Variants in NDUFS2 observed in about 807,000 individuals in gnomAD.
NDUFS2 encodes the protein NADH dehydrogenase [ubiquinone] iron-sulfur protein 2, mitochondrial.
Under a neutral mutation model 69.6 loss-of-function variants are expected in NDUFS2, and 38 were observed. The ratio of observed to expected loss-of-function variants is 0.55; its 90% CI spans 0.42 to 0.72. The LOEUF is 0.72. NDUFS2 is among the 30% of genes least tolerant of loss of function. The pLI is 0.00. For missense variants in NDUFS2, 468 were observed against 595.0 expected (o/e 0.79, Z 2.22); for synonymous variants, 194 against 211.2 (o/e 0.92, Z 0.70).
At chr1:161,198,845 C>G (rs1242515647), upstream of NDUFS2, 3 of 486,516 alleles carry the variant, frequency 6.2e-6, no homozygotes, top group Non-Finnish European at 1.1e-5. The surrounding 1 kb of genome is among the most constrained non-coding windows in gnomAD (Gnocchi z 4.7). Flanking sequence ...TCTCCAAACT[C>G]TCCTCCTGAG....
chr1:161,197,955 C>A (rs777293949), upstream of NDUFS2: 22 of 1,522,886 alleles, frequency 1.4e-5, no homozygotes, highest in Non-Finnish European at 1.8e-5. Flanking sequence ...ACAGACATGG[C>A]GGGAGGACAC....
intron 9 of NDUFS2, among the ~76,000 whole-genome samples, chr1:161,211,061 G>C (rs1369224787): frequency 6.6e-6 from 1 of 152,108 alleles, no homozygotes; most frequent in Non-Finnish European, 1.5e-5. Context: ...TTTTAGTAGA[G>C]ACGGGATTTC....
upstream of NDUFS2, among the ~76,000 whole-genome samples, chr1:161,200,743 G>A (rs2102024377): frequency 6.6e-6 from 1 of 152,248 alleles, no homozygotes; most frequent in Non-Finnish European, 1.5e-5. Flanking sequence ...GAAGGGGCAG[G>A]GGCAAGAGGA....
chr1:161,203,420 T>C lies in NDUFS2; in HGVS notation c.96-17T>C. Reference sequence around the variant, plus strand: ...CTGTTCAGGCCCTTTGTCTAGGATCTGTCTTTGACTCCCCAGAGGTGTTCG... The same window carrying C: ...CTGTTCAGGCCCTTTGTCTAGGATCCGTCTTTGACTCCCCAGAGGTGTTCG... On this transcript the variant is annotated splice_polypyrimidine_tract_variant and intron_variant, in intron 1 of 13. Transcript: ENST00000676972. The C allele has an allele frequency of 6.2e-7, 1 of 1,609,732 alleles. No homozygotes were observed. Among genetic ancestry groups the C allele is most frequent in the Non-Finnish European group, 8.5e-7 (1 of 1,175,992 alleles).
upstream of NDUFS2, chr1:161,198,711 G>T: frequency 7.7e-7 from 1 of 1,300,598 alleles, no homozygotes; most frequent in Non-Finnish European, 1.0e-6. The surrounding 1 kb of genome is among the most constrained non-coding windows in gnomAD (Gnocchi z 4.7). Flanking sequence ...GCTCCTCTCT[G>T]TAGCCTGGGG....
Position 161,202,384 on chromosome 1 carries a change from AG to A in NDUFS2, c.-1del. ...CTTCCCGCAGTCTGCAGCCGGAGTA[AG>A]ATGGCGGCGCTGAGGGCTTTGTGCG... On this transcript the variant is annotated 5_prime_UTR_variant, in exon 1 of 14. Coordinates refer to ENST00000676972, the MANE Select transcript of NDUFS2 (RefSeq NM_001377299.1). 6.2e-7 allele frequency: 1 copy of A among 1,611,036 alleles called. No individual in the cohort carries two copies. The highest frequency in any genetic ancestry group is 8.5e-7 in the Non-Finnish European group (1 of 1,179,006).
chr1:161,206,821 G>T (rs912144209), intron 3 of NDUFS2, among the ~76,000 whole-genome samples: 2 of 152,206 alleles, frequency 1.3e-5, no homozygotes, highest in Non-Finnish European at 2.9e-5. Flanking sequence ...GCTATACTCA[G>T]CTTTTCTCTG....
chr1:161,212,664 ATTC>A (rs1665836613), intron 10 of NDUFS2, 184 bp downstream of exon 10: 1 of 641,432 alleles, frequency 1.6e-6, no homozygotes, highest in Non-Finnish European at 2.5e-6. Flanking sequence ...GGTTCAAGCA[ATTC>A]TTCTGCCTCA....
upstream of NDUFS2, chr1:161,198,214 C>T (rs33941127): frequency 0.24 from 388,269 of 1,613,846 alleles, 50,600 homozygotes; most frequent in East Asian, 0.49. The surrounding 1 kb of genome is among the most constrained non-coding windows in gnomAD (Gnocchi z 4.7). Context: ...GAGATGCCAC[C>T]GACTCCGGAT....
At chr1:161,213,983 G>A (rs1397779392) in intron 13 of NDUFS2, 62 bp downstream of exon 13, 13 of 1,613,914 alleles carry the variant, frequency 8.1e-6, no homozygotes, top group Admixed American at 3.3e-5. Flanking sequence ...GCCCACTGGG[G>A]ACAGAAGGAG....
intron 5 of NDUFS2, 104 bp downstream of exon 5, chr1:161,209,699 A>G: frequency 8.1e-7 from 1 of 1,240,526 alleles, no homozygotes; most frequent in African/African-American, 1.5e-5. Context: ...ATGGGAGAAC[A>G]TTTAGAGGGG....
upstream of NDUFS2, chr1:161,202,184 G>A (rs1665164894): frequency 1.6e-6 from 1 of 630,156 alleles, no homozygotes; most frequent in East Asian, 2.8e-5. Context: ...AACGCCCTCA[G>A]TAAAGATGAC....
upstream of NDUFS2, chr1:161,199,639 C>G (rs903616487): frequency 1.3e-5 from 2 of 152,412 alleles, no homozygotes; most frequent in Non-Finnish European, 2.9e-5. Flanking sequence ...GGCAAGGAGA[C>G]AGTGATCAGG....
chr1:161,209,902 G>A lies in NDUFS2; in HGVS notation c.673G>A (p.Ala225Thr). The A allele has an allele frequency of 6.2e-7, 1 of 1,614,082 alleles. No homozygotes were observed. The highest frequency in any genetic ancestry group is 1.1e-5 in the South Asian group (1 of 91,074). The change falls in exon 6 of 14, where the codon GCT (alanine) becomes ACT (threonine). Residue 225 changes from alanine to threonine, a missense_variant. Physicochemically the swap from Ala to Thr is moderately conservative, Grantham distance 58. Transcript: ENST00000676972. Reference protein sequence around the residue: ...ERVSGARMHAAYIRPGGVHQD... With the variant: ...ERVSGARMHATYIRPGGVHQD... ...AGTGTCTGGAGCCCGAATGCATGCT[G>A]CTTATATCCGGCCAGGAGGAGTGCA...
At chr1:161,203,861 G>A (rs575496336) in intron 2 of NDUFS2, 37 of 386,096 alleles carry the variant, frequency 9.6e-5, no homozygotes, top group African/African-American at 6.2e-4. Flanking sequence ...CTCAGCCTCC[G>A]AAAGTGCTGA....
intron 2 of NDUFS2, chr1:161,203,866 T>G: frequency 2.6e-6 from 1 of 382,452 alleles, no homozygotes; most frequent in Non-Finnish European, 5.0e-6. Flanking sequence ...CCTCCGAAAG[T>G]GCTGAGATAC....
chr1:161,205,145 G>T (rs112803994), intron 2 of NDUFS2, among the ~76,000 whole-genome samples: 4,022 of 152,190 alleles, frequency 0.026, 69 homozygotes, highest in Non-Finnish European at 0.036. Flanking sequence ...GAAAAGATGG[G>T]CTCTGGTTTC....
At chr1:161,202,892 C>G (rs1558081865) in intron 1 of NDUFS2, among the ~76,000 whole-genome samples, 2 of 152,088 alleles carry the variant, frequency 1.3e-5, no homozygotes, top group South Asian at 4.1e-4. Context: ...ACCTTGCATG[C>G]CCAGGGGTGA....
At chr1:161,213,502 C>G in intron 11 of NDUFS2, 27 bp downstream of exon 11, 1 of 1,580,252 alleles carries the variant, frequency 6.3e-7, no homozygotes, top group Non-Finnish European at 8.7e-7. Context: ...AAGGAAAAGA[C>G]CATATGTAGA....
Sources: allele counts gnomAD v4.1 joint callset (sites outside exome capture counted in the v4.1 genomes callset), GRCh38; gene constraint gnomAD v4.1.1; non-coding constraint Gnocchi (gnomAD v3.1); transcripts MANE v1.5; gene names NCBI Gene and HGNC (gene_info 2026-07-23, HGNC 2026-07-21).